Variants in LHFPL2 observed in about 807,000 individuals in gnomAD.
The protein encoded by LHFPL2 is LHFPL tetraspan subfamily member 2 protein.
In LHFPL2, 7 loss-of-function variants were observed where a neutral mutation model predicts 17.5. The observed-to-expected ratio is 0.40, with a 90% CI of 0.23 to 0.75. LHFPL2 has a LOEUF of 0.75. Among genes scored for constraint, LHFPL2 ranks in the 30% least tolerant of loss-of-function variants. The pLI, the probability that LHFPL2 is intolerant of heterozygous loss-of-function variation, is 0.37. For synonymous variants in LHFPL2, 134 were observed against 116.2 expected (o/e 1.15, Z -0.99); for missense variants, 241 against 294.8 (o/e 0.82, Z 1.34).
rs537660935 is a variant in LHFPL2, at chr5:78,581,349, A to T, written c.-244-16478T>A. Reference sequence around the variant, plus strand: ...CTATATTGAATAGGAGTGGTGAGAGAGGGCATCCCTGTCTTGTGCCAGTTT... The same window carrying T: ...CTATATTGAATAGGAGTGGTGAGAGTGGGCATCCCTGTCTTGTGCCAGTTT... On this transcript the variant is annotated intron_variant, in intron 2 of 4. Transcript: ENST00000380345. 1.6e-4 allele frequency among the ~76,000 whole-genome samples: 25 copies of T among 152,236 alleles called. No individual in the cohort carries two copies. In the South Asian group the frequency reaches 5.2e-3, roughly 32 times the overall value.
At chr5:78,494,288 T>A (rs1380468352) in intron 4 of LHFPL2, 2 of 837,160 alleles carry the variant, frequency 2.4e-6, no homozygotes, top group Middle Eastern at 6.1e-4. Context: ...GGGGGGAGAA[T>A]GACACTGGCC....
chr5:78,595,939 G>C lies in LHFPL2; in HGVS notation c.-244-31068C>G, dbSNP rs145387486. ...AGCATTCTGGTAAAGGGGAGTCCAA[G>C]AGAAAGGAGGTTTAAATGAACAATA... On this transcript the variant is annotated intron_variant, in intron 2 of 4. Coordinates refer to ENST00000380345, the MANE Select transcript of LHFPL2 (RefSeq NM_005779.3). 2.8e-4 allele frequency among the ~76,000 whole-genome samples: 42 copies of C among 152,330 alleles called. No individual in the cohort carries two copies. The East Asian group carries it at 4.8e-3, about 17-fold the overall frequency.
chr5:78,634,783 GA>G (rs1446479201), intron 1 of LHFPL2, among the ~76,000 whole-genome samples: 1 of 152,250 alleles, frequency 6.6e-6, no homozygotes, highest in African/African-American at 2.4e-5. Context: ...CAGGGAGGCA[GA>G]ACAGACAGTT....
intron 2 of LHFPL2, among the ~76,000 whole-genome samples, chr5:78,596,602 T>C (rs1743833643): frequency 6.6e-6 from 1 of 152,218 alleles, no homozygotes; most frequent in South Asian, 2.1e-4. Flanking sequence ...ATTCCAACTC[T>C]GCTTAGGGAT....
intron 3 of LHFPL2, among the ~76,000 whole-genome samples, chr5:78,523,968 C>T (rs1336123763): frequency 1.3e-5 from 2 of 152,024 alleles, no homozygotes; most frequent in Non-Finnish European, 2.9e-5. Context: ...GGAAACGAGC[C>T]GGACAATGCA....
At chr5:78,635,965 C>T (rs1039530029) in intron 1 of LHFPL2, among the ~76,000 whole-genome samples, 2 of 151,456 alleles carry the variant, frequency 1.3e-5, no homozygotes, top group Non-Finnish European at 2.9e-5. Flanking sequence ...CCAAATGCAT[C>T]GTAAATTATA....
intron 2 of LHFPL2, among the ~76,000 whole-genome samples, chr5:78,622,468 A>C (rs1744888404): frequency 6.6e-6 from 1 of 152,156 alleles, no homozygotes; most frequent in Non-Finnish European, 1.5e-5. Context: ...AGCCCTGGAG[A>C]GAAGAATAAT....
chr5:78,627,283 G>A (rs574074461), intron 2 of LHFPL2, among the ~76,000 whole-genome samples: 13 of 152,054 alleles, frequency 8.5e-5, no homozygotes, highest in East Asian at 3.9e-4. Context: ...ACAGGCCCTC[G>A]AAGTTAACCA....
chr5:78,618,577 G>A (rs1048419264), intron 2 of LHFPL2, among the ~76,000 whole-genome samples: 4 of 152,210 alleles, frequency 2.6e-5, no homozygotes, highest in Admixed American at 1.3e-4. Context: ...TTGGACTTAC[G>A]AAGCGGAGCT....
intron 3 of LHFPL2, among the ~76,000 whole-genome samples, chr5:78,528,269 C>G (rs1249527523): frequency 6.6e-6 from 1 of 152,202 alleles, no homozygotes; most frequent in Non-Finnish European, 1.5e-5. Context: ...AAACCAGTAC[C>G]GGTCTGTGGC....
chr5:78,512,376 A>C (rs62378887), intron 3 of LHFPL2, among the ~76,000 whole-genome samples: 133,172 of 149,312 alleles, frequency 0.89, 59,596 homozygotes, highest in African/African-American at 0.95. Context: ...TTATCTCCAC[A>C]AGCTGGATAA....
rs963444405 is a variant in LHFPL2, at chr5:78,494,269, G to A, written c.431-5116C>T. 28 of 703,864 alleles carry A rather than the reference G, an allele frequency of 4.0e-5. No individual in the cohort carries two copies. The Admixed American group carries it at 1.4e-3, about 36-fold the overall frequency. The allele number at this position is 703,864 out of a possible 1,614,324, so 43.6% of individuals were successfully genotyped here. A position where few individuals can be genotyped will look rare whatever the true frequency, so the allele number is the denominator to read the frequency against. On this transcript the variant is annotated intron_variant, in intron 4 of 4. Coordinates refer to ENST00000380345, the MANE Select transcript of LHFPL2 (RefSeq NM_005779.3). ...TCGCAGCAAGCCCAGCTGGGAGGAA[G>A]AAGAAATGGGGGGGAGAATGACACT...
chr5:78,527,050 A>C (rs1036781265), intron 3 of LHFPL2, among the ~76,000 whole-genome samples: 3 of 152,250 alleles, frequency 2.0e-5, no homozygotes, highest in African/African-American at 7.2e-5. Context: ...AAACTCCAGA[A>C]GGTTGAATGT....
At chr5:78,641,031 G>C (rs1030021003) in intron 1 of LHFPL2, among the ~76,000 whole-genome samples, 11 of 152,214 alleles carry the variant, frequency 7.2e-5, no homozygotes, top group African/African-American at 2.7e-4. Flanking sequence ...CTAGTACAGA[G>C]AGTAGGAGAG....
rs925748033 is a variant in LHFPL2, at chr5:78,488,707, T to G, written c.*190A>C. The G allele has an allele frequency of 1.6e-6, 1 of 626,244 alleles. No individual in the cohort carries two copies. The highest frequency in any genetic ancestry group is 2.8e-6 in the Non-Finnish European group (1 of 356,266). 38.8% of individuals were successfully genotyped at this position (626,244 alleles called of 1,614,324 possible). ...TTTTCATGTTCCATTCCTTATAATG[T>G]GCACTGCAGACCGCATGTCCAGTAA... On this transcript the variant is annotated 3_prime_UTR_variant, in exon 5 of 5. Transcript: ENST00000380345.
intron 2 of LHFPL2, among the ~76,000 whole-genome samples, chr5:78,579,256 G>T (rs192662949): frequency 2.6e-5 from 4 of 152,128 alleles, no homozygotes; most frequent in Non-Finnish European, 4.4e-5. Context: ...GAGCAGGAGA[G>T]GGTGGAGGAG....
intron 2 of LHFPL2, among the ~76,000 whole-genome samples, chr5:78,614,571 ATTG>A (rs1744535236): frequency 6.6e-6 from 1 of 152,214 alleles, no homozygotes; most frequent in Non-Finnish European, 1.5e-5. Context: ...TACCCATTTT[ATTG>A]TTAAGTCTTT....
chr5:78,504,994 C>G (rs763520376), intron 4 of LHFPL2, among the ~76,000 whole-genome samples: 4 of 152,190 alleles, frequency 2.6e-5, no homozygotes, highest in Admixed American at 2.6e-4. Context: ...GTGGCTCATG[C>G]TTATGGCAGT....
intron 3 of LHFPL2, among the ~76,000 whole-genome samples, chr5:78,540,286 CTTGT>C (rs1331846940): frequency 5.9e-5 from 9 of 152,178 alleles, no homozygotes; most frequent in Non-Finnish European, 1.0e-4. Context: ...GGGTCACTGT[CTTGT>C]TTGTTTGTTT....
Sources: allele counts gnomAD v4.1 joint callset (sites outside exome capture counted in the v4.1 genomes callset), GRCh38; gene constraint gnomAD v4.1.1; transcripts MANE v1.5; gene names NCBI Gene and HGNC (gene_info 2026-07-23, HGNC 2026-07-21).